The following HTR2C variants were observed in gnomAD, a reference collection of about 807,000 sequenced individuals.
HTR2C encodes 5-hydroxytryptamine receptor 2C, also known as 5-hydroxytryptamine (serotonin) receptor 2C, G protein-coupled.
A neutral mutation model predicts 21.0 loss-of-function variants in HTR2C; 5 were observed. That is an observed-to-expected ratio of 0.24 (90% CI 0.12 to 0.50). The LOEUF (loss-of-function observed/expected upper bound fraction) is 0.50. Among genes scored for constraint, HTR2C ranks in the 20% least tolerant of loss-of-function variants. HTR2C has a pLI of 0.98. For synonymous variants in HTR2C, 150 were observed against 145.3 expected (o/e 1.03, Z -0.23); for missense variants, 271 against 371.2 (o/e 0.73, Z 2.22).
intron 4 of HTR2C, among the ~76,000 whole-genome samples, chrX:114,805,623 TACC>T (rs1569495507): frequency 0.086 from 383 of 4,440 alleles, 75 homozygotes; most frequent in African/African-American, 0.2. Context: ...ATCATATATA[TACC>T]ATATATATAC....
intron 5 of HTR2C, 106 bp downstream of exon 5, chrX:114,848,309 G>A (rs1000148768): frequency 6.3e-6 from 3 of 477,926 alleles, no homozygotes; most frequent in Admixed American, 4.4e-5. Flanking sequence ...ATTTGCGTTT[G>A]ATCGGGTTCT....
intron 2 of HTR2C, among the ~76,000 whole-genome samples, chrX:114,693,532 T>C (rs1227674876): frequency 1.8e-5 from 2 of 111,986 alleles, no homozygotes; most frequent in African/African-American, 6.5e-5. Flanking sequence ...TTGGCACTAT[T>C]GACATTTTGG....
At chrX:114,774,317 G>A (rs2070034648) in intron 4 of HTR2C, among the ~76,000 whole-genome samples, 1 of 111,523 alleles carries the variant, frequency 9.0e-6, no homozygotes, top group African/African-American at 3.3e-5. Flanking sequence ...GGTAAGAATA[G>A]GGCTCACAAT....
At chrX:114,814,751 A>G (rs2070565489) in intron 4 of HTR2C, among the ~76,000 whole-genome samples, 1 of 102,949 alleles carries the variant, frequency 9.7e-6, no homozygotes, top group African/African-American at 3.5e-5. Context: ...TCTAATATAT[A>G]GTATATATAT....
intron 4 of HTR2C, chrX:114,776,470 C>T: frequency 1.7e-6 from 1 of 587,883 alleles, no homozygotes; most frequent in Non-Finnish European, 3.0e-6. Context: ...CTACTTGGAC[C>T]TTGGGCCTGT....
chrX:114,586,294 C>T lies in HTR2C; in HGVS notation c.-147+1635C>T, dbSNP rs1478727109. Among the ~76,000 whole-genome samples, 20 of 111,652 alleles carry T rather than the reference C, an allele frequency of 1.8e-4. No homozygotes were observed. In the Admixed American group the frequency reaches 1.9e-3, roughly 11 times the overall value. ...CTGTTTGGGAATCATCTACAATGCCCCCCCATTCCACCCCACAGGTGGGGG... is the reference window on the plus strand; with the variant it reads ...CTGTTTGGGAATCATCTACAATGCCTCCCCATTCCACCCCACAGGTGGGGG... On this transcript the variant is annotated intron_variant, in intron 1 of 5. Transcript: ENST00000276198.
At chrX:114,594,674 A>G (rs1329518360) in intron 1 of HTR2C, among the ~76,000 whole-genome samples, 4 of 111,953 alleles carry the variant, frequency 3.6e-5, no homozygotes, top group Middle Eastern at 4.4e-3. Flanking sequence ...GAGATTACAA[A>G]TAACATGTAG....
rs74937696 is a variant in HTR2C, at chrX:114,611,277, A to G, written c.-146-2538A>G. On this transcript the variant is annotated intron_variant, in intron 1 of 5. Coordinates refer to ENST00000276198, the MANE Select transcript of HTR2C (RefSeq NM_000868.4). ...CAACATTTTCATTCCCTCCCAGGGT[A>G]CTTGAACAGTTAGGTGAAGTTAAGT... is the stretch of plus-strand genomic sequence containing the variant. Among the ~76,000 whole-genome samples, 860 of 112,030 alleles carry G rather than the reference A, an allele frequency of 7.7e-3. 64 individuals carry two copies. The East Asian group carries it at 0.21, about 27-fold the overall frequency.
intron 2 of HTR2C, among the ~76,000 whole-genome samples, chrX:114,655,692 G>C (rs181142664): frequency 2.7e-5 from 3 of 111,270 alleles, no homozygotes; most frequent in Non-Finnish European, 3.8e-5. Context: ...TTAGGGGCTG[G>C]TGGGGCTACA....
chrX:114,636,746 A>G lies in HTR2C; in HGVS notation c.-80+22865A>G, dbSNP rs7887370. Among the ~76,000 whole-genome samples the G allele has an allele frequency of 3.4e-3, 379 of 112,189 alleles. 1 individual carries two copies. The highest frequency in any genetic ancestry group is 0.011 in the African/African-American group (354 of 30,917). ...TTTCACATTGATATTGATGGTCATG[A>G]AGCTAGCAGTAGGGAATTAAATGGA... is the stretch of plus-strand genomic sequence containing the variant. On this transcript the variant is annotated intron_variant, in intron 2 of 5. Coordinates refer to ENST00000276198, the MANE Select transcript of HTR2C (RefSeq NM_000868.4).
chrX:114,650,075 CA>C (rs1261774501), intron 2 of HTR2C, among the ~76,000 whole-genome samples: 41 of 111,939 alleles, frequency 3.7e-4, no homozygotes, highest in African/African-American at 1.3e-3. Context: ...TCTATTTTGA[CA>C]GATCTGGAGA....
At chrX:114,657,700 T>A (rs927186655) in intron 2 of HTR2C, among the ~76,000 whole-genome samples, 2 of 111,434 alleles carry the variant, frequency 1.8e-5, no homozygotes, top group Non-Finnish European at 3.8e-5. Flanking sequence ...CTCATTTTTT[T>A]ATATATATTT....
At chrX:114,821,564 C>A (rs964295656) in intron 4 of HTR2C, among the ~76,000 whole-genome samples, 5 of 111,003 alleles carry the variant, frequency 4.5e-5, no homozygotes, top group Admixed American at 3.9e-4. Context: ...TGAGTCACAG[C>A]GAAAGTTAGA....
At chrX:114,855,496 A>C (rs1485110380) in intron 5 of HTR2C, among the ~76,000 whole-genome samples, 1 of 110,750 alleles carries the variant, frequency 9.0e-6, no homozygotes, top group Non-Finnish European at 1.9e-5. Flanking sequence ...ATGAATAGAC[A>C]TTTTCCAAAA....
At chrX:114,873,227 G>T (rs2071105761) in intron 5 of HTR2C, among the ~76,000 whole-genome samples, 1 of 111,152 alleles carries the variant, frequency 9.0e-6, no homozygotes, top group African/African-American at 3.3e-5. Flanking sequence ...TATTGATATG[G>T]TTGGGTTTAA....
At chrX:114,836,869 A>AT (rs2070791291) in intron 4 of HTR2C, among the ~76,000 whole-genome samples, 3 of 109,404 alleles carry the variant, frequency 2.7e-5, no homozygotes, top group Non-Finnish European at 3.8e-5. Context: ...TTATCTGTAA[A>AT]TTTTTTTATG....
chrX:114,603,163 A>G (rs1391481902), intron 1 of HTR2C, among the ~76,000 whole-genome samples: 1 of 112,468 alleles, frequency 8.9e-6, no homozygotes, highest in Non-Finnish European at 1.9e-5. Context: ...ATCAGGAATA[A>G]TGTGGGAGGC....
At chrX:114,587,871 C>G (rs1556390070) in intron 1 of HTR2C, among the ~76,000 whole-genome samples, 1 of 112,499 alleles carries the variant, frequency 8.9e-6, no homozygotes. Flanking sequence ...GCTGCATCAT[C>G]ATTTGGCAAG....
At chrX:114,733,573 T>A in intron 4 of HTR2C, among the ~76,000 whole-genome samples, 8 of 90,756 alleles carry the variant, frequency 8.8e-5, no homozygotes, top group East Asian at 3.3e-4. Context: ...TGGAAAAAGG[T>A]AAAAAAGGAA....
Sources: gnomAD v4.1 joint callset for allele counts (sites outside exome capture counted in the v4.1 genomes callset) on GRCh38, gnomAD v4.1.1 for gene constraint, MANE v1.5 for transcripts, NCBI Gene and HGNC (gene_info 2026-07-23, HGNC 2026-07-21) for gene names.